SLC30A4: variants seen among roughly 807,000 people sequenced by gnomAD.
SLC30A4 encodes the protein probable proton-coupled zinc antiporter SLC30A4.
SLC30A4 carries 20 observed loss-of-function variants against 41.7 expected under a neutral mutation model. That is an observed-to-expected ratio of 0.48 (90% CI 0.34 to 0.70). The LOEUF is 0.70. SLC30A4 is among the 30% of genes least tolerant of loss of function. The probability of loss-of-function intolerance (pLI) is 0.01; values close to 1 mark genes in which losing one functional copy is unlikely to be tolerated. For missense variants in SLC30A4, 441 were observed against 529.3 expected, an observed-to-expected ratio of 0.83 and a Z score of 1.64; for synonymous variants, 181 against 195.9, an observed-to-expected ratio of 0.92 and a Z score of 0.64.
intron 3 of SLC30A4, among the ~76,000 whole-genome samples, chr15:45,503,738 G>A (rs1166886887): frequency 6.6e-6 from 1 of 152,132 alleles, no homozygotes; most frequent in Non-Finnish European, 1.5e-5. Context: ...CCTGAGGTCG[G>A]GAGTTCAAGA....
chr15:45,522,157 G>A lies in SLC30A4; in HGVS notation c.198C>T (p.His66=), dbSNP rs1447050368. The change falls in exon 2 of 8, where the codon CAC becomes CAT. Residue 66 remains histidine (H), a synonymous_variant. Coordinates refer to ENST00000261867, the MANE Select transcript of SLC30A4 (RefSeq NM_013309.6). ...AATCATCGTCGGCCTGGAGGGTCGG[G>A]TGCGCCCCGTTAACAGGCCTTTCCG... ...EAPERPVNGA[H]PTLQADDDSL... 6.2e-7 allele frequency: 1 copy of A among 1,614,232 alleles called. No individual in the cohort carries two copies. Among genetic ancestry groups the A allele is most frequent in the Non-Finnish European group, 8.5e-7 (1 of 1,180,050 alleles).
intron 3 of SLC30A4, among the ~76,000 whole-genome samples, chr15:45,508,692 G>A (rs1595528907): frequency 1.3e-5 from 2 of 152,290 alleles, no homozygotes; most frequent in Middle Eastern, 6.8e-3. Context: ...AGAGAGACAG[G>A]AATCAAATGG....
Position 45,483,497 on chromosome 15 carries a change from T to C in SLC30A4, c.*1666A>G, listed in dbSNP as rs1023416446. On this transcript the variant is annotated 3_prime_UTR_variant, in exon 8 of 8. Transcript: ENST00000261867. ...CCTCTTTAACACAGGCATTTACAAT[T>C]AGGTTGCCTTCAGTTTGGAAACCTC... 1 of 152,222 alleles carries C rather than the reference T, an allele frequency of 6.6e-6. No individual in the cohort carries two copies. The highest frequency in any genetic ancestry group is 2.4e-5 in the African/African-American group (1 of 41,456). 9.4% of individuals were successfully genotyped at this position (152,222 alleles called of 1,614,324 possible). A position where few individuals can be genotyped will look rare whatever the true frequency, so the allele number is the denominator to read the frequency against.
rs746670312 is a variant in SLC30A4, at chr15:45,487,547, G to A, written c.980C>T (p.Thr327Ile). Reference sequence around the variant, plus strand: ...CTTACCTTCTAGTATTATAACTACTGTATCCCATATGATTCGAAATGTTGT... The same window carrying A: ...CTTACCTTCTAGTATTATAACTACTATATCCCATATGATTCGAAATGTTGT... ...AFTTFRIIWD[T>I]VVIILEGVPS... The change falls in exon 6 of 8, where the codon ACA (threonine) becomes ATA (isoleucine). Residue 327 changes from threonine to isoleucine, a missense_variant. Coordinates refer to ENST00000261867, the MANE Select transcript of SLC30A4 (RefSeq NM_013309.6). 6.7e-7 allele frequency: 1 copy of A among 1,500,730 alleles called. No homozygotes were observed. Among genetic ancestry groups the A allele is most frequent in the Non-Finnish European group, 9.3e-7 (1 of 1,077,858 alleles). 93.0% of individuals were successfully genotyped at this position (1,500,730 alleles called of 1,614,324 possible).
At chr15:45,510,375 G>T (rs939683128) in intron 3 of SLC30A4, among the ~76,000 whole-genome samples, 10 of 152,100 alleles carry the variant, frequency 6.6e-5, no homozygotes, top group African/African-American at 2.4e-4. Context: ...TGATATATTA[G>T]CCAGGAGCAT....
intron 3 of SLC30A4, among the ~76,000 whole-genome samples, chr15:45,508,892 T>C (rs1892218473): frequency 6.6e-6 from 1 of 152,336 alleles, no homozygotes; most frequent in South Asian, 2.1e-4. Context: ...TAATATTTAA[T>C]AGAAGTTTCA....
rs539115300 is a variant in SLC30A4, at chr15:45,513,201, CTT to C, written c.392-1919_392-1918del. On this transcript the variant is annotated intron_variant, in intron 2 of 7. Coordinates refer to ENST00000261867, the MANE Select transcript of SLC30A4 (RefSeq NM_013309.6). ...AAACTAAGGAATTTAATTAATTAAA[CTT>C]TTTTTTTTTTTTTTTTTAGAGAGTC... 2.1e-3 allele frequency among the ~76,000 whole-genome samples: 275 copies of C among 130,122 alleles called. 2 individuals are homozygous for C. The highest frequency in any genetic ancestry group is 6.7e-3 in the African/African-American group (240 of 35,704). 85.4% of individuals were successfully genotyped at this position (130,122 alleles called of 152,430 possible). A position where few individuals can be genotyped will look rare whatever the true frequency, so the allele number is the denominator to read the frequency against.
intron 3 of SLC30A4, among the ~76,000 whole-genome samples, chr15:45,506,043 C>CA (rs1423362324): frequency 6.6e-6 from 1 of 151,876 alleles, no homozygotes; most frequent in Non-Finnish European, 1.5e-5. Flanking sequence ...CTCGTCTCTA[C>CA]AAAAAATACA....
intron 5 of SLC30A4, among the ~76,000 whole-genome samples, 148 bp downstream of exon 5, chr15:45,488,688 CAAAAG>C (rs1891752432): frequency 6.6e-6 from 1 of 152,064 alleles, no homozygotes; most frequent in Admixed American, 6.6e-5. Context: ...TTACTGCTAA[CAAAAG>C]AACTATAATG....
At chr15:45,496,652 T>A (rs1303014290) in intron 3 of SLC30A4, among the ~76,000 whole-genome samples, 1 of 151,942 alleles carries the variant, frequency 6.6e-6, no homozygotes, top group Non-Finnish European at 1.5e-5. Flanking sequence ...CCACTTTAAG[T>A]GAACTTGAAT....
intron 2 of SLC30A4, among the ~76,000 whole-genome samples, chr15:45,511,965 A>G (rs1001774529): frequency 1.3e-5 from 2 of 152,248 alleles, no homozygotes; most frequent in African/African-American, 4.8e-5. Flanking sequence ...GAAGAAAAGA[A>G]GGGTGTTCAC....
At chr15:45,486,074 C>A (rs1007457769) in intron 7 of SLC30A4, among the ~76,000 whole-genome samples, 1 of 151,240 alleles carries the variant, frequency 6.6e-6, no homozygotes. Flanking sequence ...CCAGACTAGA[C>A]TGCAGTGGCG....
chr15:45,518,806 C>T (rs1892577262), intron 2 of SLC30A4, among the ~76,000 whole-genome samples: 2 of 152,226 alleles, frequency 1.3e-5, no homozygotes, highest in Non-Finnish European at 1.5e-5. Flanking sequence ...CTCAAGCGAT[C>T]CTCAGGCTCC....
intron 2 of SLC30A4, among the ~76,000 whole-genome samples, chr15:45,511,811 G>T (rs1287137882): frequency 6.6e-6 from 1 of 152,188 alleles, no homozygotes; most frequent in Non-Finnish European, 1.5e-5. Flanking sequence ...AACACATGCT[G>T]CAAGGAGTCA....
Position 45,496,878 on chromosome 15 carries a change from A to T in SLC30A4, c.539-5997T>A, listed in dbSNP as rs974568468. 1.3e-3 allele frequency among the ~76,000 whole-genome samples: 177 copies of T among 131,974 alleles called. 2 individuals carry two copies. The highest frequency in any genetic ancestry group is 4.3e-3 in the African/African-American group (158 of 36,800). The allele number at this position is 131,974 out of a possible 152,430, so 86.6% of individuals were successfully genotyped here. A position where few individuals can be genotyped will look rare whatever the true frequency, so the allele number is the denominator to read the frequency against. Reference sequence around the variant, plus strand: ...ATAAATAAATAAATAAATAAATAAAATAAATAGGTGTGGTAGCACATGCCT... The same window carrying T: ...ATAAATAAATAAATAAATAAATAAATTAAATAGGTGTGGTAGCACATGCCT... On this transcript the variant is annotated intron_variant, in intron 3 of 7. Coordinates refer to ENST00000261867, the MANE Select transcript of SLC30A4 (RefSeq NM_013309.6).
At chr15:45,520,858 A>G in intron 2 of SLC30A4, 1 of 348,144 alleles carries the variant, frequency 2.9e-6, no homozygotes, top group Admixed American at 4.6e-5. Context: ...CACAATGTGA[A>G]GTGTATTTCT....
At chr15:45,517,765 G>A (rs988294430) in intron 2 of SLC30A4, among the ~76,000 whole-genome samples, 5 of 151,768 alleles carry the variant, frequency 3.3e-5, no homozygotes, top group African/African-American at 7.3e-5. Context: ...TGGCTAACAC[G>A]GTGAAACCCC....
intron 2 of SLC30A4, 77 bp downstream of exon 2, chr15:45,521,887 C>A: frequency 1.4e-6 from 2 of 1,463,500 alleles, no homozygotes; most frequent in Non-Finnish European, 1.9e-6. Flanking sequence ...GGTTAAACCT[C>A]AAAGCCTGTG....
intron 3 of SLC30A4, among the ~76,000 whole-genome samples, chr15:45,504,657 T>C (rs373202418): frequency 1.3e-5 from 2 of 152,352 alleles, no homozygotes; most frequent in South Asian, 2.1e-4. Flanking sequence ...TTCCAAAGAA[T>C]AAATGAAGGC....
Sources: allele counts gnomAD v4.1 joint callset (sites outside exome capture counted in the v4.1 genomes callset), GRCh38; gene constraint gnomAD v4.1.1; transcripts MANE v1.5; gene names NCBI Gene and HGNC (gene_info 2026-07-23, HGNC 2026-07-21).